Variants in RPS6KA5 observed in about 807,000 individuals in gnomAD.
RPS6KA5 encodes ribosomal protein S6 kinase A5.
A neutral mutation model predicts 85.5 loss-of-function variants in RPS6KA5; 27 were observed. The observed-to-expected ratio is 0.32, with a 90% CI of 0.23 to 0.44. The LOEUF (loss-of-function observed/expected upper bound fraction) is 0.44. RPS6KA5 is among the 20% of genes least tolerant of loss of function. The pLI, the probability that RPS6KA5 is intolerant of heterozygous loss-of-function variation, is 1.00. For synonymous variants in RPS6KA5, 334 were observed against 348.2 expected, an observed-to-expected ratio of 0.96 and a Z score of 0.46; for missense variants, 811 against 980.9, an observed-to-expected ratio of 0.83 and a Z score of 2.31.
Position 90,872,152 on chromosome 14 carries a change from G to C in RPS6KA5, c.2331C>G (p.Thr777=), listed in dbSNP as rs1177229887. The change falls in exon 17 of 17, where the codon ACC becomes ACG. Residue 777 remains threonine (T), a synonymous_variant. Coordinates refer to ENST00000614987, the MANE Select transcript of RPS6KA5 (RefSeq NM_004755.4). ...CAGGATTGCTGGGCTGCAGTGTCTT[G>C]GTGGGTGTAGTTTTACCGTGAGAAT... The part of the protein sequence containing the change: ...SSHSHGKTTP[T]KTLQPSNPAD... 6.2e-7 allele frequency: 1 copy of C among 1,613,926 alleles called. No individual in the cohort carries two copies. Among genetic ancestry groups the C allele is most frequent in the Admixed American group, 1.7e-5 (1 of 59,982 alleles).
intron 6 of RPS6KA5, among the ~76,000 whole-genome samples, chr14:90,920,696 C>A (rs570258164): frequency 4.6e-5 from 7 of 150,784 alleles, no homozygotes; most frequent in South Asian, 2.1e-4. Flanking sequence ...AAAAAAAAAA[C>A]CACATCCAAG....
intron 5 of RPS6KA5, among the ~76,000 whole-genome samples, chr14:90,939,947 T>A (rs1157633502): frequency 6.6e-6 from 1 of 152,128 alleles, no homozygotes; most frequent in African/African-American, 2.4e-5. Context: ...TGCAAGCTAA[T>A]CAAAATAGAA....
intron 1 of RPS6KA5, among the ~76,000 whole-genome samples, chr14:91,018,671 C>T (rs1032292737): frequency 4.6e-5 from 7 of 152,094 alleles, no homozygotes; most frequent in Admixed American, 2.6e-4. Context: ...AGTGGTTTGC[C>T]GGGGGCTCTC....
At chr14:90,957,191 A>G (rs919382839) in intron 3 of RPS6KA5, among the ~76,000 whole-genome samples, 6 of 151,976 alleles carry the variant, frequency 3.9e-5, no homozygotes, top group Non-Finnish European at 8.8e-5. Flanking sequence ...CAGCCTTCTC[A>G]GTAGCAGGAA....
chr14:91,025,785 G>A (rs923822586), intron 1 of RPS6KA5, among the ~76,000 whole-genome samples: 5 of 147,262 alleles, frequency 3.4e-5, no homozygotes, highest in African/African-American at 5.1e-5. Flanking sequence ...TCAGTGGAAA[G>A]CTAAATGCTA....
At chr14:90,991,217 T>C (rs1166627886) in intron 2 of RPS6KA5, among the ~76,000 whole-genome samples, 5 of 152,170 alleles carry the variant, frequency 3.3e-5, no homozygotes, top group Non-Finnish European at 7.3e-5. Flanking sequence ...ATATTACGTA[T>C]AACAGCATAT....
intron 1 of RPS6KA5, chr14:91,052,465 TAAAAA>T (rs71120103): frequency 9.0e-5 from 12 of 132,696 alleles, no homozygotes; most frequent in Non-Finnish European, 1.3e-4. Flanking sequence ...ACTCGTCTCT[TAAAAA>T]AAAAAAAAAA....
At chr14:90,904,630 T>C (rs1056185400) in intron 8 of RPS6KA5, among the ~76,000 whole-genome samples, 1 of 152,116 alleles carries the variant, frequency 6.6e-6, no homozygotes, top group Non-Finnish European at 1.5e-5. Flanking sequence ...AAGGGGTAAT[T>C]TAAAGAAACA....
At chr14:90,874,919 C>T (rs780060448) in intron 15 of RPS6KA5, among the ~76,000 whole-genome samples, 1 of 151,920 alleles carries the variant, frequency 6.6e-6, no homozygotes, top group African/African-American at 2.4e-5. Flanking sequence ...GGAGGAGGAG[C>T]GTGTTTGGGG....
rs768785029 is a variant in RPS6KA5, at chr14:90,920,313, T to C, written c.703-4A>G. On this transcript the variant is annotated splice_polypyrimidine_tract_variant and splice_region_variant and intron_variant, in intron 6 of 16. Transcript: ENST00000614987. ...CCAAACTCCACCAGTCAACTGCCTA[T>C]AAAACAACAATAATTTCATTTTATA... is the stretch of plus-strand genomic sequence containing the variant. The C allele has an allele frequency of 6.5e-7, 1 of 1,538,396 alleles. No homozygotes were observed. Among genetic ancestry groups the C allele is most frequent in the Non-Finnish European group, 8.9e-7 (1 of 1,117,576 alleles).
At chr14:90,989,505 T>A (rs1044912104) in intron 2 of RPS6KA5, among the ~76,000 whole-genome samples, 1 of 152,138 alleles carries the variant, frequency 6.6e-6, no homozygotes, top group Non-Finnish European at 1.5e-5. Flanking sequence ...AAAAGAAAAT[T>A]CAGAGAATAC....
chr14:90,910,000 TCCTGACCTCAGGTGATCTG>T (rs1458565667), intron 7 of RPS6KA5, among the ~76,000 whole-genome samples: 1 of 152,066 alleles, frequency 6.6e-6, no homozygotes, highest in African/African-American at 2.4e-5. Context: ...GGTCTCGAAC[TCCTGACCTCAGGTGATCTG>T]CCTGCCTCGG....
intron 12 of RPS6KA5, among the ~76,000 whole-genome samples, chr14:90,899,001 T>A (rs923820662): frequency 1.3e-5 from 2 of 151,970 alleles, no homozygotes; most frequent in African/African-American, 4.8e-5. Flanking sequence ...CAGGATTAAG[T>A]GATGGTGGGT....
intron 14 of RPS6KA5, among the ~76,000 whole-genome samples, chr14:90,886,100 A>G (rs1383121122): frequency 6.6e-6 from 1 of 152,102 alleles, no homozygotes; most frequent in Non-Finnish European, 1.5e-5. Flanking sequence ...ATGTCTGCAT[A>G]TATGTATTAT....
chr14:90,892,732 A>C (rs143300091), intron 13 of RPS6KA5, among the ~76,000 whole-genome samples: 1,717 of 152,346 alleles, frequency 0.011, 14 homozygotes, highest in Admixed American at 0.019. Flanking sequence ...TCAGACCTTA[A>C]AGTGCCACAT....
At chr14:90,991,717 AAAAG>A (rs2040315070) in intron 2 of RPS6KA5, among the ~76,000 whole-genome samples, 1 of 151,084 alleles carries the variant, frequency 6.6e-6, no homozygotes, top group African/African-American at 2.4e-5. Context: ...AAAAAAAAAA[AAAAG>A]AAGAGAGATA....
At position 90,872,050 on chromosome 14, in the gene RPS6KA5, A is replaced by G. The variant is rs574445731; in HGVS notation, c.*24T>C. 1 of 1,595,956 alleles carries G rather than the reference A, an allele frequency of 6.3e-7. No individual in the cohort carries two copies. The highest frequency in any genetic ancestry group is 1.1e-5 in the South Asian group (1 of 89,318). ...TGCTGAGGGAATAAAGGTGCAATGGATCACTGATACACTCCTACCATGCCT... is the reference window on the plus strand; with the variant it reads ...TGCTGAGGGAATAAAGGTGCAATGGGTCACTGATACACTCCTACCATGCCT... On this transcript the variant is annotated 3_prime_UTR_variant, in exon 17 of 17. Coordinates refer to ENST00000614987, the MANE Select transcript of RPS6KA5 (RefSeq NM_004755.4).
At chr14:90,939,188 C>T (rs2037441710) in intron 5 of RPS6KA5, among the ~76,000 whole-genome samples, 1 of 152,210 alleles carries the variant, frequency 6.6e-6, no homozygotes, top group Middle Eastern at 3.2e-3. Flanking sequence ...AGTCTCTTTG[C>T]TAAAACATTA....
intron 5 of RPS6KA5, among the ~76,000 whole-genome samples, chr14:90,942,853 T>A (rs1417305396): frequency 6.6e-6 from 1 of 152,138 alleles, no homozygotes; most frequent in African/African-American, 2.4e-5. Context: ...TTTTTTCTTT[T>A]TTAAATAAAT....
Sources: allele counts gnomAD v4.1 joint callset (sites outside exome capture counted in the v4.1 genomes callset), GRCh38; gene constraint gnomAD v4.1.1; transcripts MANE v1.5; gene names NCBI Gene and HGNC (gene_info 2026-07-23, HGNC 2026-07-21).